DENND1B: variants seen among roughly 807,000 people sequenced by gnomAD.
DENND1B encodes DENN domain-containing protein 1B.
DENND1B carries 59 observed loss-of-function variants against 90.1 expected under a neutral mutation model. That is an observed-to-expected ratio of 0.65 (90% confidence interval 0.53 to 0.81). The LOEUF (loss-of-function observed/expected upper bound fraction) is 0.81, where lower values mean the gene tolerates loss of function less well. Among genes scored for constraint, DENND1B ranks in the 40% least tolerant of loss-of-function variants. The pLI is 0.00. For missense variants in DENND1B, 862 were observed against 912.6 expected, an observed-to-expected ratio of 0.94 and a Z score of 0.71; for synonymous variants, 337 against 324.6, an observed-to-expected ratio of 1.04 and a Z score of -0.41.
intron 10 of DENND1B, among the ~76,000 whole-genome samples, chr1:197,629,790 A>T (rs1039077572): frequency 6.6e-6 from 1 of 152,070 alleles, no homozygotes; most frequent in Admixed American, 6.6e-5. Context: ...AAATATTTGC[A>T]GAGGGCATAT....
intron 12 of DENND1B, among the ~76,000 whole-genome samples, chr1:197,607,944 T>G (rs1309811516): frequency 6.6e-6 from 1 of 150,700 alleles, no homozygotes; most frequent in Non-Finnish European, 1.5e-5. Context: ...TCATATAATT[T>G]TATTAGTCTT....
intron 2 of DENND1B, among the ~76,000 whole-genome samples, chr1:197,749,809 A>G (rs779539763): frequency 2.0e-5 from 3 of 152,028 alleles, no homozygotes; most frequent in Admixed American, 6.6e-5. Context: ...AATAATTTCA[A>G]TTTATAGTGA....
chr1:197,567,818 A>G (rs1672807539), intron 15 of DENND1B, among the ~76,000 whole-genome samples: 1 of 152,150 alleles, frequency 6.6e-6, no homozygotes, highest in African/African-American at 2.4e-5. Context: ...TCACCACAAT[A>G]AAAGGAAAAA....
At chr1:197,589,007 T>C (rs917070363) in intron 14 of DENND1B, among the ~76,000 whole-genome samples, 1 of 152,158 alleles carries the variant, frequency 6.6e-6, no homozygotes, top group Non-Finnish European at 1.5e-5. Context: ...TATTTACCTA[T>C]GATTCAGCAA....
chr1:197,736,476 C>T (rs759403090), intron 2 of DENND1B, among the ~76,000 whole-genome samples: 27 of 152,138 alleles, frequency 1.8e-4, no homozygotes, highest in Non-Finnish European at 2.5e-4. Context: ...AGACTACAGG[C>T]GTGTGCCACC....
rs1667815635 is a variant in DENND1B at position 197,508,198 on chromosome 1, C to A, written c.*2262G>T. ...AGTTCTGAAAAAAACAAACAAAAAA[C>A]CATACCTCATTTCAAAATTCATATT... On this transcript the variant is annotated 3_prime_UTR_variant, in exon 23 of 23. Transcript: ENST00000620048. 6.6e-6 allele frequency: 1 copy of A among 151,522 alleles called. No homozygotes were observed. The allele number at this position is 151,522 out of a possible 1,614,324, so 9.4% of individuals were successfully genotyped here. A position where few individuals can be genotyped will look rare whatever the true frequency, so the allele number is the denominator to read the frequency against.
chr1:197,714,126 G>A (rs903407833), intron 3 of DENND1B, among the ~76,000 whole-genome samples: 14 of 150,032 alleles, frequency 9.3e-5, no homozygotes, highest in East Asian at 2.0e-4. Context: ...ACAGGCGCAC[G>A]CCACCACACA....
intron 3 of DENND1B, among the ~76,000 whole-genome samples, chr1:197,690,873 C>G (rs891877057): frequency 2.8e-4 from 17 of 61,510 alleles, no homozygotes; most frequent in African/African-American, 7.8e-4. Flanking sequence ...TGGAAATAAC[C>G]TGACCAAAAA....
At chr1:197,626,374 A>T (rs1435640615) in intron 10 of DENND1B, among the ~76,000 whole-genome samples, 1 of 152,190 alleles carries the variant, frequency 6.6e-6, no homozygotes, top group African/African-American at 2.4e-5. Flanking sequence ...AAACTCACTC[A>T]AAACCACTCA....
rs904760543 is a variant in DENND1B, at chr1:197,508,975, T to C, written c.*1485A>G. ...TGCCCTAAAGAAGGGGAATTATGAC[T>C]CCTCACTCCTGCATGTAGTGACTTC... On this transcript the variant is annotated 3_prime_UTR_variant, in exon 23 of 23. Coordinates refer to ENST00000620048, the MANE Select transcript of DENND1B (RefSeq NM_001195215.2). The C allele has an allele frequency of 1.3e-5, 2 of 151,718 alleles. No homozygotes were observed. Among genetic ancestry groups the C allele is most frequent in the South Asian group, 2.1e-4 (1 of 4,824 alleles). The allele number at this position is 151,718 out of a possible 1,614,324, so 9.4% of individuals were successfully genotyped here.
At chr1:197,517,694 G>A (rs1418744043) in intron 20 of DENND1B, among the ~76,000 whole-genome samples, 2 of 151,786 alleles carry the variant, frequency 1.3e-5, no homozygotes, top group African/African-American at 2.4e-5. Context: ...TCCTTCAATG[G>A]CCCCTTACAG....
chr1:197,762,521 G>A (rs149253207), intron 2 of DENND1B, among the ~76,000 whole-genome samples: 3 of 152,224 alleles, frequency 2.0e-5, no homozygotes, highest in South Asian at 2.1e-4. Flanking sequence ...GCCAATTAAC[G>A]CATCTATCAT....
At chr1:197,558,021 T>C (rs1249696146) in intron 15 of DENND1B, among the ~76,000 whole-genome samples, 1 of 151,874 alleles carries the variant, frequency 6.6e-6, no homozygotes, top group African/African-American at 2.4e-5. Flanking sequence ...TTGGAAGACA[T>C]AAGCTTTGAA....
At chr1:197,617,884 G>C in intron 10 of DENND1B, 125 bp from the exon 11 acceptor site, 1 of 677,770 alleles carries the variant, frequency 1.5e-6, no homozygotes, top group South Asian at 1.6e-5. Context: ...AAATCACATT[G>C]TCTTTATCAC....
At chr1:197,755,564 T>C (rs1255704749) in intron 2 of DENND1B, among the ~76,000 whole-genome samples, 3 of 152,162 alleles carry the variant, frequency 2.0e-5, no homozygotes, top group African/African-American at 7.2e-5. Flanking sequence ...TAAAATGAGC[T>C]TAAACTAATA....
At chr1:197,715,711 T>C (rs1298976033) in intron 2 of DENND1B, among the ~76,000 whole-genome samples, 1 of 151,882 alleles carries the variant, frequency 6.6e-6, no homozygotes, top group Non-Finnish European at 1.5e-5. Flanking sequence ...GTAATTAATA[T>C]ATATAAATCA....
At chr1:197,656,839 GA>G (rs545382412) in intron 6 of DENND1B, among the ~76,000 whole-genome samples, 14 of 148,694 alleles carry the variant, frequency 9.4e-5, no homozygotes, top group South Asian at 2.1e-4. Flanking sequence ...AAGATTAAGG[GA>G]AAAAAAAATT....
chr1:197,670,487 TGA>T (rs1167643847), intron 5 of DENND1B, among the ~76,000 whole-genome samples: 9 of 27,040 alleles, frequency 3.3e-4, no homozygotes, highest in African/African-American at 9.1e-4. Flanking sequence ...GTGTGTGTAT[TGA>T]GAGAGAAAGG....
chr1:197,599,070 C>T (rs1046533864), intron 13 of DENND1B, among the ~76,000 whole-genome samples: 12 of 151,700 alleles, frequency 7.9e-5, no homozygotes, highest in African/African-American at 2.9e-4. Flanking sequence ...ACCACCAATT[C>T]CCCACTTTTA....
Sources: allele counts gnomAD v4.1 joint callset (sites outside exome capture counted in the v4.1 genomes callset), GRCh38; gene constraint gnomAD v4.1.1; transcripts MANE v1.5; gene names NCBI Gene and HGNC (gene_info 2026-07-23, HGNC 2026-07-21).